The following IMMP1L variants were observed in gnomAD, a reference collection of about 807,000 sequenced individuals.
IMMP1L encodes the protein inner mitochondrial membrane peptidase subunit 1.
Under a neutral mutation model 21.8 loss-of-function variants are expected in IMMP1L, and 24 were observed. The observed-to-expected ratio is 1.10, with a 90% CI of 0.80 to 1.55. The LOEUF (loss-of-function observed/expected upper bound fraction) is 1.55. Among genes scored for constraint, IMMP1L ranks in the 40% most tolerant of loss-of-function variants. The probability of loss-of-function intolerance (pLI) is 0.00; values close to 1 mark genes in which losing one functional copy is unlikely to be tolerated. For synonymous variants in IMMP1L, 46 were observed against 62.8 expected, an observed-to-expected ratio of 0.73 and a Z score of 1.26; for missense variants, 195 against 200.7, an observed-to-expected ratio of 0.97 and a Z score of 0.17.
intron 1 of IMMP1L, among the ~76,000 whole-genome samples, chr11:31,499,106 T>C (rs1181518404): frequency 6.6e-6 from 1 of 152,170 alleles, no homozygotes; most frequent in Non-Finnish European, 1.5e-5. Context: ...TGGCTTACAC[T>C]GTAATCCCAG....
At chr11:31,479,645 T>G (rs1180958556) in intron 1 of IMMP1L, among the ~76,000 whole-genome samples, 1 of 152,074 alleles carries the variant, frequency 6.6e-6, no homozygotes, top group Admixed American at 6.6e-5. Flanking sequence ...CATTGGACTC[T>G]GAAGACTTAA....
chr11:31,450,781 T>C (rs1369242047), intron 4 of IMMP1L, among the ~76,000 whole-genome samples: 1 of 151,932 alleles, frequency 6.6e-6, no homozygotes, highest in South Asian at 2.1e-4. Flanking sequence ...TAGAAACTAG[T>C]AGAAAAAAAG....
chr11:31,481,195 T>C (rs1443495717), intron 1 of IMMP1L, among the ~76,000 whole-genome samples: 1 of 152,162 alleles, frequency 6.6e-6, no homozygotes, highest in Non-Finnish European at 1.5e-5. Flanking sequence ...ATTATTCTGT[T>C]TGTGCTGCTA....
At chr11:31,442,641 T>C (rs1386848984) in intron 4 of IMMP1L, among the ~76,000 whole-genome samples, 3 of 152,218 alleles carry the variant, frequency 2.0e-5, no homozygotes, top group African/African-American at 7.2e-5. Context: ...CCCTACCTAT[T>C]GCTCGTACTT....
intron 1 of IMMP1L, among the ~76,000 whole-genome samples, chr11:31,496,988 TATATC>T (rs72303040): frequency 0.36 from 53,084 of 147,796 alleles, 11,625 homozygotes; most frequent in African/African-American, 0.62. Context: ...ATGATAATCT[TATATC>T]ATATACTATA....
intron 1 of IMMP1L, among the ~76,000 whole-genome samples, chr11:31,496,088 T>C (rs1478752414): frequency 2.1e-5 from 3 of 140,134 alleles, no homozygotes; most frequent in Non-Finnish European, 4.7e-5. Flanking sequence ...CCAGAATATA[T>C]AAAGAACTCC....
intron 3 of IMMP1L, among the ~76,000 whole-genome samples, chr11:31,458,474 T>C (rs1159352898): frequency 6.6e-6 from 1 of 152,040 alleles, no homozygotes; most frequent in Non-Finnish European, 1.5e-5. Flanking sequence ...TGTCTCAAGG[T>C]TGAGTGTTCT....
chr11:31,442,658 T>C (rs1254516456), intron 4 of IMMP1L, among the ~76,000 whole-genome samples: 1 of 152,194 alleles, frequency 6.6e-6, no homozygotes, highest in African/African-American at 2.4e-5. Flanking sequence ...ACTTCTTTAA[T>C]GGTTCTAAAA....
chr11:31,495,412 T>C (rs1257665272), intron 1 of IMMP1L, among the ~76,000 whole-genome samples: 1 of 152,160 alleles, frequency 6.6e-6, no homozygotes, highest in Non-Finnish European at 1.5e-5. Flanking sequence ...TCTCCCTCAG[T>C]ACCAATTTAC....
At chr11:31,501,790 C>T (rs978606035) in intron 1 of IMMP1L, among the ~76,000 whole-genome samples, 39 of 139,684 alleles carry the variant, frequency 2.8e-4, no homozygotes, top group African/African-American at 9.8e-4. Flanking sequence ...CCCATCTCTA[C>T]AAATAAATAA....
intron 1 of IMMP1L, among the ~76,000 whole-genome samples, chr11:31,490,270 G>A (rs1315683948): frequency 3.3e-5 from 5 of 152,062 alleles, no homozygotes; most frequent in Non-Finnish European, 2.9e-5. Context: ...TCAAGAGATC[G>A]AGACCATCCC....
At chr11:31,462,603 A>G (rs1410274843) in intron 2 of IMMP1L, among the ~76,000 whole-genome samples, 1 of 152,204 alleles carries the variant, frequency 6.6e-6, no homozygotes, top group African/African-American at 2.4e-5. Context: ...TAATATAGAC[A>G]TTAGGCAGAA....
At chr11:31,501,975 CAAAAAAAAAAGA>C (rs1370715991) in intron 1 of IMMP1L, among the ~76,000 whole-genome samples, 1 of 136,046 alleles carries the variant, frequency 7.4e-6, no homozygotes, top group Non-Finnish European at 1.6e-5. Flanking sequence ...AAGACTGTCT[CAAAAAAAAAAGA>C]AAAAGAAAAA....
At chr11:31,496,453 T>C (rs1226682067) in intron 1 of IMMP1L, among the ~76,000 whole-genome samples, 2 of 152,060 alleles carry the variant, frequency 1.3e-5, no homozygotes, top group Non-Finnish European at 2.9e-5. Flanking sequence ...TTTCATATAA[T>C]CCAGCAATTC....
intron 1 of IMMP1L, among the ~76,000 whole-genome samples, chr11:31,468,028 T>TAA (rs1954419666): frequency 6.6e-6 from 1 of 151,924 alleles, no homozygotes; most frequent in African/African-American, 2.4e-5. Flanking sequence ...CTTGAACACT[T>TAA]AAAAAGTATA....
intron 1 of IMMP1L, among the ~76,000 whole-genome samples, chr11:31,506,804 A>G (rs1486052477): frequency 2.0e-5 from 3 of 151,352 alleles, no homozygotes; most frequent in African/African-American, 7.3e-5. Flanking sequence ...TACTCAAAAT[A>G]CATAAATTAG....
rs1955930910 is a variant in IMMP1L at position 31,509,589 on chromosome 11, G to A, written c.-100C>T. 4 of 620,574 alleles carry A rather than the reference G, an allele frequency of 6.4e-6. No individual in the cohort carries two copies. The highest frequency in any genetic ancestry group is 1.1e-5 in the Non-Finnish European group (4 of 356,762). The allele number at this position is 620,574 out of a possible 1,614,324, so 38.4% of individuals were successfully genotyped here. The stretch of plus-strand genomic sequence containing the variant: ...GGGCCTTTCTCACCTGGGCCCCGCC[G>A]AAGTCGACCGTCCTTTCGTAGGGCG... On this transcript the variant is annotated 5_prime_UTR_variant, in exon 1 of 6. Transcript: ENST00000532287.
At chr11:31,489,686 T>C (rs535802180) in intron 1 of IMMP1L, among the ~76,000 whole-genome samples, 2 of 152,352 alleles carry the variant, frequency 1.3e-5, no homozygotes, top group African/African-American at 4.8e-5. Flanking sequence ...TCCTCCTCTT[T>C]TGTAATGCAT....
intron 1 of IMMP1L, among the ~76,000 whole-genome samples, chr11:31,474,227 G>A (rs1196292056): frequency 6.6e-6 from 1 of 152,104 alleles, no homozygotes; most frequent in African/African-American, 2.4e-5. Context: ...GTAACTGAGA[G>A]ATATATGTCC....
Sources: allele counts gnomAD v4.1 joint callset (sites outside exome capture counted in the v4.1 genomes callset), GRCh38; gene constraint gnomAD v4.1.1; transcripts MANE v1.5; gene names NCBI Gene and HGNC (gene_info 2026-07-23, HGNC 2026-07-21).